Variants in TJP1 observed in about 807,000 individuals in gnomAD.
The protein encoded by TJP1 is tight junction protein 1, also known as tight junction protein ZO-1.
TJP1 carries 43 observed loss-of-function variants against 194.2 expected under a neutral mutation model. The observed-to-expected ratio is 0.22, with a 90% CI of 0.17 to 0.29. The LOEUF is 0.29. Ranked by LOEUF, TJP1 falls within the 10% of genes least tolerant of loss-of-function variation. The probability of loss-of-function intolerance (pLI) is 1.00; values close to 1 mark genes in which losing one functional copy is unlikely to be tolerated. For synonymous variants in TJP1, 801 were observed against 779.0 expected, an observed-to-expected ratio of 1.03 and a Z score of -0.47; for missense variants, 1,971 against 2,185.7, an observed-to-expected ratio of 0.90 and a Z score of 1.96.
At chr15:29,764,438 A>G (rs1482881666) in intron 5 of TJP1, among the ~76,000 whole-genome samples, 2 of 152,218 alleles carry the variant, frequency 1.3e-5, no homozygotes, top group South Asian at 2.1e-4. Flanking sequence ...GAAAGGGGCA[A>G]AAGAGTAAGA....
intron 2 of TJP1, among the ~76,000 whole-genome samples, chr15:29,953,235 G>A (rs1308087424): frequency 7.3e-6 from 1 of 136,512 alleles, no homozygotes. Context: ...TCCACCTCCC[G>A]AGTTCAAGCC....
chr15:29,951,199 G>C (rs745536084), intron 2 of TJP1, among the ~76,000 whole-genome samples: 1 of 151,550 alleles, frequency 6.6e-6, no homozygotes, highest in Non-Finnish European at 1.5e-5. Flanking sequence ...ATGGAGTCTT[G>C]CTCTGTCACC....
intron 8 of TJP1, among the ~76,000 whole-genome samples, chr15:29,746,268 C>T (rs1451398254): frequency 6.6e-6 from 1 of 152,114 alleles, no homozygotes; most frequent in South Asian, 2.1e-4. Context: ...GTCCCAGCTA[C>T]TCTGGAGGCT....
chr15:29,818,123 T>C (rs1411416135), intron 1 of TJP1, among the ~76,000 whole-genome samples: 1 of 152,134 alleles, frequency 6.6e-6, no homozygotes, highest in Non-Finnish European at 1.5e-5. Flanking sequence ...ACTTACATTA[T>C]AATTTCAGAT....
intron 2 of TJP1, among the ~76,000 whole-genome samples, chr15:29,864,313 A>C (rs183011969): frequency 9.8e-4 from 140 of 143,386 alleles, no homozygotes; most frequent in African/African-American, 3.1e-3. Flanking sequence ...TGGGAGGCTG[A>C]GGAAGGAGAA....
chr15:29,844,650 T>C (rs2051344732), intron 2 of TJP1, among the ~76,000 whole-genome samples: 1 of 152,100 alleles, frequency 6.6e-6, no homozygotes, highest in South Asian at 2.1e-4. Flanking sequence ...TCTAGTAAGA[T>C]GGTAAAGACT....
At chr15:29,849,036 C>G (rs1379596792) in intron 2 of TJP1, among the ~76,000 whole-genome samples, 1 of 151,888 alleles carries the variant, frequency 6.6e-6, no homozygotes, top group Non-Finnish European at 1.5e-5. Flanking sequence ...GATAATGTAA[C>G]ATCTCTGAAA....
intron 1 of TJP1, among the ~76,000 whole-genome samples, chr15:29,817,545 C>A (rs984137594): frequency 2.6e-5 from 4 of 152,278 alleles, no homozygotes; most frequent in Admixed American, 6.5e-5. Context: ...ATGTTTACTG[C>A]AGCACTATTT....
At chr15:29,852,574 C>T (rs929641421) in intron 2 of TJP1, among the ~76,000 whole-genome samples, 1 of 152,192 alleles carries the variant, frequency 6.6e-6, no homozygotes, top group East Asian at 1.9e-4. Context: ...CACGCAATTA[C>T]CATACCCAGC....
intron 1 of TJP1, among the ~76,000 whole-genome samples, chr15:29,801,465 T>TA (rs1261297358): frequency 6.2e-3 from 68 of 11,032 alleles, no homozygotes; most frequent in Middle Eastern, 0.05. Flanking sequence ...AAATTATTAT[T>TA]TTTTTTTTTT....
chr15:29,865,582 G>C (rs2052273824), intron 2 of TJP1, among the ~76,000 whole-genome samples: 1 of 152,168 alleles, frequency 6.6e-6, no homozygotes, highest in African/African-American at 2.4e-5. Context: ...GGTCAAATGA[G>C]TGAACTGCAT....
At chr15:29,703,222 G>T (rs143488121) in intron 27 of TJP1, among the ~76,000 whole-genome samples, 43 of 152,190 alleles carry the variant, frequency 2.8e-4, no homozygotes, top group African/African-American at 1.0e-3. Context: ...AGGCCGAGGC[G>T]GGTGGATCAC....
chr15:29,777,583 A>C (rs964505618), intron 2 of TJP1, among the ~76,000 whole-genome samples: 1 of 152,198 alleles, frequency 6.6e-6, no homozygotes, highest in Admixed American at 6.5e-5. Context: ...AACACCAAGA[A>C]CAGAAACATT....
chr15:29,928,051 T>G (rs2054579883), intron 2 of TJP1, among the ~76,000 whole-genome samples: 1 of 152,000 alleles, frequency 6.6e-6, no homozygotes, highest in South Asian at 2.1e-4. Flanking sequence ...ATTTTTACAT[T>G]TTTTCAATCT....
chr15:29,963,912 A>C (rs930035546), intron 1 of TJP1, among the ~76,000 whole-genome samples: 31 of 152,316 alleles, frequency 2.0e-4, no homozygotes, highest in African/African-American at 5.5e-4. Context: ...TCAGCCTTCC[A>C]AAGTGTTGGG....
intron 2 of TJP1, among the ~76,000 whole-genome samples, chr15:29,890,752 T>A (rs1424273506): frequency 6.6e-6 from 1 of 151,876 alleles, no homozygotes; most frequent in African/African-American, 2.4e-5. Flanking sequence ...TCTATCAAAC[T>A]GCTAATGGGG....
intron 2 of TJP1, among the ~76,000 whole-genome samples, chr15:29,841,872 T>C (rs546911663): frequency 1.3e-5 from 2 of 152,196 alleles, no homozygotes; most frequent in Non-Finnish European, 2.9e-5. Flanking sequence ...ATATCTTGTA[T>C]GTACTATACA....
chr15:29,711,656 C>T (rs1023877766), intron 23 of TJP1, among the ~76,000 whole-genome samples: 4 of 152,262 alleles, frequency 2.6e-5, no homozygotes, highest in African/African-American at 7.2e-5. Flanking sequence ...CATGAGCCAC[C>T]GCACCCGGCC....
At chr15:29,833,946 A>G (rs2337175) in intron 2 of TJP1, among the ~76,000 whole-genome samples, 59,884 of 82,038 alleles carry the variant, frequency 0.73, 22,187 homozygotes, top group East Asian at 0.83. Flanking sequence ...GCAGTGGCGC[A>G]ATCTCGGCTC....
Sources: allele counts gnomAD v4.1 joint callset (sites outside exome capture counted in the v4.1 genomes callset), GRCh38; gene constraint gnomAD v4.1.1; transcripts MANE v1.5; gene names NCBI Gene and HGNC (gene_info 2026-07-23, HGNC 2026-07-21).